POMK: variants seen among roughly 807,000 people sequenced by gnomAD.
POMK encodes the protein Sugen kinase 196.
POMK carries 19 observed loss-of-function variants against 23.0 expected under a neutral mutation model. That is an observed-to-expected ratio of 0.83 (90% CI 0.58 to 1.21). The LOEUF (loss-of-function observed/expected upper bound fraction) is 1.21. Among genes scored for constraint, POMK ranks in the 50% most tolerant of loss-of-function variants. POMK has a pLI of 0.00. For synonymous variants in POMK, 173 were observed against 171.6 expected (o/e 1.01, Z -0.06); for missense variants, 410 against 431.3 (o/e 0.95, Z 0.44).
intron 4 of POMK, among the ~76,000 whole-genome samples, chr8:43,110,931 A>T (rs75202408): frequency 6.6e-6 from 1 of 151,804 alleles, no homozygotes; most frequent in Non-Finnish European, 1.5e-5. Flanking sequence ...AAAAAAAAAA[A>T]GTCTTGGGGG....
chr8:43,122,835 A>G lies in POMK; in HGVS notation c.1011A>G (p.Thr337=), dbSNP rs1490774894. 6.2e-7 allele frequency: 1 copy of G among 1,613,618 alleles called. No homozygotes were observed. Among genetic ancestry groups the G allele is most frequent in the Non-Finnish European group, 8.5e-7 (1 of 1,179,938 alleles). ...AGACCTACCAGAAGGTCTTGGATAC[A>G]CTTAGAGATGCCATGATGTCTCAGG... ...VLETYQKVLD[T]LRDAMMSQAR... Residue 337 remains threonine (T), a synonymous_variant, in exon 5 of 5, where the codon ACA becomes ACG. Transcript: ENST00000331373.
chr8:43,121,884 C>T (rs1271527428), intron 4 of POMK, among the ~76,000 whole-genome samples: 2 of 152,254 alleles, frequency 1.3e-5, no homozygotes, highest in African/African-American at 4.8e-5. Context: ...GCTTCCTGCC[C>T]TGAGGTTCCA....
At chr8:43,109,299 A>G (rs1428594226) in intron 4 of POMK, among the ~76,000 whole-genome samples, 2 of 152,158 alleles carry the variant, frequency 1.3e-5, no homozygotes, top group Non-Finnish European at 2.9e-5. Context: ...ACAAGACCCA[A>G]TGAAGGTAGC....
At chr8:43,094,906 A>G (rs1811301678) in intron 1 of POMK, among the ~76,000 whole-genome samples, 1 of 152,164 alleles carries the variant, frequency 6.6e-6, no homozygotes, top group Non-Finnish European at 1.5e-5. Flanking sequence ...CTTAATGTGC[A>G]GGCTGTTTTC....
At chr8:43,106,748 C>T (rs956642322) in intron 4 of POMK, among the ~76,000 whole-genome samples, 1 of 152,134 alleles carries the variant, frequency 6.6e-6, no homozygotes, top group Non-Finnish European at 1.5e-5. Flanking sequence ...ATCCGCCCTC[C>T]TCGACCTCCC....
rs1278416435 is a variant in POMK at position 43,103,757 on chromosome 8, C to T, written c.209C>T (p.Pro70Leu). ...ATAGGACAGATGAAAAACTGCTCAC[C>T]TTGGCTGTCCTGCGAGGAGCTGAGA... ...FRIGQMKNCS[P>L]WLSCEELRTE... Residue 70 changes from proline to leucine, a missense_variant, in exon 4 of 5, where the codon CCT (proline) becomes CTT (leucine). Transcript: ENST00000331373. 2 of 1,614,226 alleles carry T rather than the reference C, an allele frequency of 1.2e-6. No homozygotes were observed. The highest frequency in any genetic ancestry group is 4.5e-5 in the East Asian group (2 of 44,884).
intron 4 of POMK, among the ~76,000 whole-genome samples, chr8:43,121,024 A>G (rs934355602): frequency 6.6e-6 from 1 of 152,196 alleles, no homozygotes; most frequent in Non-Finnish European, 1.5e-5. Flanking sequence ...GGTTCTCACT[A>G]TGTTGATCAT....
chr8:43,109,939 A>G (rs1036500865), intron 4 of POMK, among the ~76,000 whole-genome samples: 2 of 152,186 alleles, frequency 1.3e-5, no homozygotes, highest in African/African-American at 4.8e-5. Context: ...TTGTGCTTTT[A>G]TTCCAATTTC....
intron 4 of POMK, among the ~76,000 whole-genome samples, chr8:43,105,333 G>A (rs972579135): frequency 9.2e-5 from 14 of 152,180 alleles, no homozygotes; most frequent in East Asian, 1.9e-4. Context: ...GCCTATCCTC[G>A]CCTTTGCTCT....
intron 4 of POMK, among the ~76,000 whole-genome samples, chr8:43,121,033 A>G (rs1563342802): frequency 6.6e-6 from 1 of 152,238 alleles, no homozygotes; most frequent in Non-Finnish European, 1.5e-5. Flanking sequence ...TATGTTGATC[A>G]TGCTGCTCCC....
intron 2 of POMK, among the ~76,000 whole-genome samples, chr8:43,100,172 T>C (rs190356207): frequency 1.2e-3 from 188 of 151,812 alleles, no homozygotes; most frequent in Non-Finnish European, 2.2e-3. Context: ...ACAGAGGATA[T>C]GGGAATGGGT....
At chr8:43,103,397 C>T in intron 3 of POMK, 131 bp from the exon 4 acceptor site, 1 of 807,274 alleles carries the variant, frequency 1.2e-6, no homozygotes, top group Non-Finnish European at 2.0e-6. Flanking sequence ...TGTTCGATAC[C>T]TGCTTTAATC....
chr8:43,119,106 C>T (rs773824543), intron 4 of POMK, among the ~76,000 whole-genome samples: 18 of 152,240 alleles, frequency 1.2e-4, no homozygotes, highest in African/African-American at 2.6e-4. Flanking sequence ...CCACTGCGGC[C>T]GGCCCCCCAC....
At chr8:43,110,171 C>T (rs569430861) in intron 4 of POMK, among the ~76,000 whole-genome samples, 1 of 152,330 alleles carries the variant, frequency 6.6e-6, no homozygotes, top group East Asian at 1.9e-4. Flanking sequence ...TTTTACTTCC[C>T]TTACATGCCT....
intron 4 of POMK, among the ~76,000 whole-genome samples, chr8:43,107,032 G>A (rs536959090): frequency 1.3e-5 from 2 of 152,110 alleles, no homozygotes; most frequent in African/African-American, 4.8e-5. Context: ...CAAGGCTTTC[G>A]TGACAAAGGC....
chr8:43,108,095 T>C (rs1811580776), intron 4 of POMK, among the ~76,000 whole-genome samples: 1 of 152,238 alleles, frequency 6.6e-6, no homozygotes, highest in South Asian at 2.1e-4. Flanking sequence ...GTTTGTACCT[T>C]CAAATACTTA....
intron 2 of POMK, among the ~76,000 whole-genome samples, chr8:43,099,011 A>G (rs1358258938): frequency 6.6e-6 from 1 of 152,210 alleles, no homozygotes; most frequent in Non-Finnish European, 1.5e-5. Flanking sequence ...TTGTGGCACG[A>G]TCACAGCTCA....
At chr8:43,110,319 T>G (rs751545292) in intron 4 of POMK, among the ~76,000 whole-genome samples, 5 of 152,236 alleles carry the variant, frequency 3.3e-5, no homozygotes, top group Non-Finnish European at 5.9e-5. Context: ...CACCAGAAGG[T>G]CTGACTGTTT....
At chr8:43,107,022 C>T (rs1404925504) in intron 4 of POMK, among the ~76,000 whole-genome samples, 1 of 152,094 alleles carries the variant, frequency 6.6e-6, no homozygotes, top group Non-Finnish European at 1.5e-5. Flanking sequence ...GCTGTGGTTC[C>T]AAGGCTTTCG....
Sources: gnomAD v4.1 joint callset for allele counts (sites outside exome capture counted in the v4.1 genomes callset) on GRCh38, gnomAD v4.1.1 for gene constraint, MANE v1.5 for transcripts, NCBI Gene and HGNC (gene_info 2026-07-23, HGNC 2026-07-21) for gene names.